Variants in CAPN12 observed in about 807,000 individuals in gnomAD.
The protein encoded by CAPN12 is calpain 12.
CAPN12 carries 107 observed loss-of-function variants against 95.0 expected under a neutral mutation model. The observed-to-expected ratio is 1.13, with a 90% CI of 0.96 to 1.32. The LOEUF is 1.32. Ranked by LOEUF, CAPN12 falls within the 40% of genes most tolerant of loss-of-function variation. The probability of loss-of-function intolerance (pLI) is 0.00; values close to 1 mark genes in which losing one functional copy is unlikely to be tolerated. For synonymous variants in CAPN12, 505 were observed against 415.5 expected (o/e 1.22, Z -2.62); for missense variants, 1,136 against 997.8 (o/e 1.14, Z -1.87).
In CAPN12 at chr19:38,741,832, G is replaced by A. The variant is rs776565451; in HGVS notation, c.505C>T (p.Arg169Cys). The A allele has an allele frequency of 2.5e-5, 41 of 1,613,946 alleles. 1 individual carries two copies. Among genetic ancestry groups the A allele is most frequent in the South Asian group, 2.1e-4 (19 of 91,070 alleles). Residue 169 changes from arginine to cysteine, a missense_variant, in exon 4 of 21, where the codon CGC (arginine) becomes TGC (cysteine). Arg to Cys is a radical substitution (Grantham distance 180). Coordinates refer to ENST00000328867, the MANE Select transcript of CAPN12 (RefSeq NM_144691.4). The part of the protein sequence containing the change: ...PVREGKLMFV[R>C]SEQRNEFWAP... ...CAGAACTCATTCCGCTGTTCCGAGC[G>A]CACGAACATCAGCTTCCCCTCACGC...
In CAPN12 at chr19:38,736,199, G is replaced by A; in HGVS notation, c.1494C>T (p.Gly498=). The change falls in exon 12 of 21, where the codon GGC becomes GGT. Residue 498 remains glycine (G), a synonymous_variant. Transcript: ENST00000328867. ...DVTRRCCLRP[G]HYLVVPSTAH... is the part of the protein sequence containing the mutation. ...CGGTGCTCGGCACCACCAGGTAGTGGCCTGGACGCAGGCAGCAGCGGCGGG... is the reference window on the plus strand; with the variant it reads ...CGGTGCTCGGCACCACCAGGTAGTGACCTGGACGCAGGCAGCAGCGGCGGG... The A allele has an allele frequency of 2.0e-6, 3 of 1,510,944 alleles. No homozygotes were observed. The highest frequency in any genetic ancestry group is 2.6e-6 in the Non-Finnish European group (3 of 1,134,222). 93.6% of individuals were successfully genotyped at this position (1,510,944 alleles called of 1,614,324 possible).
intron 4 of CAPN12, among the ~76,000 whole-genome samples, chr19:38,740,724 C>T (rs12985871): frequency 0.057 from 8,659 of 151,190 alleles, 263 homozygotes; most frequent in South Asian, 0.098. Context: ...CGCTTGAACT[C>T]GGGAGGCGAA....
At chr19:38,737,439 A>G in intron 9 of CAPN12, 36 bp downstream of exon 9, 1 of 1,610,932 alleles carries the variant, frequency 6.2e-7, no homozygotes, top group Non-Finnish European at 8.5e-7. Flanking sequence ...AGCGCCCCCC[A>G]CCCCAGGAAG....
In CAPN12 at chr19:38,734,826, A is replaced by T; in HGVS notation, c.1731T>A (p.Ile577=). Residue 577 remains isoleucine, a synonymous_variant, in exon 15 of 21, where the codon ATT becomes ATA. Transcript: ENST00000328867. ...NASQLQALLS[I]ALEPARAHTS... is the part of the protein sequence containing the mutation. ...CAGCCAACTCACCAGGCTCCAGGGC[A>T]ATGCTTAGTAAGGCCTGGAGCTGAG... is the stretch of plus-strand genomic sequence containing the variant. 1 of 1,612,606 alleles carries T rather than the reference A, an allele frequency of 6.2e-7. No individual in the cohort carries two copies. Among genetic ancestry groups the T allele is most frequent in the Non-Finnish European group, 8.5e-7 (1 of 1,179,794 alleles).
Position 38,741,779 on chromosome 19 carries a change from G to A in CAPN12, c.558C>T (p.Ala186=). 1 of 1,613,930 alleles carries A rather than the reference G, an allele frequency of 6.2e-7. No individual in the cohort carries two copies. The highest frequency in any genetic ancestry group is 1.1e-5 in the South Asian group (1 of 91,076). Residue 186 remains alanine (A), a splice_region_variant and synonymous_variant, in exon 4 of 21, where the codon GCC becomes GCT. Coordinates refer to ENST00000328867, the MANE Select transcript of CAPN12 (RefSeq NM_144691.4). Reference sequence around the variant, plus strand: ...CTGGTTGGAACTGGGGTCCTCACTTGGCGTAGGCCTTCTCCAGGAGTGGGG... The same window carrying A: ...CTGGTTGGAACTGGGGTCCTCACTTAGCGTAGGCCTTCTCCAGGAGTGGGG... ...FWAPLLEKAY[A]KLHGSYEVMR... is the part of the protein sequence containing the mutation.
At chr19:38,736,432 C>A in intron 11 of CAPN12, 114 bp from the exon 12 acceptor site, 1 of 1,532,132 alleles carries the variant, frequency 6.5e-7, no homozygotes, top group East Asian at 2.4e-5. Flanking sequence ...TCCCCTGCCC[C>A]CGGACCCGGC....
At position 38,735,391 on chromosome 19, in the gene CAPN12, C is replaced by G; in HGVS notation, c.1665G>C (p.Leu555=). The G allele has an allele frequency of 4.4e-6, 7 of 1,606,326 alleles. No individual in the cohort carries two copies. The highest frequency in any genetic ancestry group is 6.0e-6 in the Non-Finnish European group (7 of 1,175,920). The change falls in exon 14 of 21, where the codon CTG becomes CTC. Residue 555 remains leucine, a synonymous_variant. Transcript: ENST00000328867. ...YLPLELGLEQ[L]FQELAGEEEE... is the part of the protein sequence containing the mutation. Reference sequence around the variant, plus strand: ...TCACCTCTCCAGCCAGCTCCTGAAACAGCTGCTCCAACCCCAGCTCCAGGG... The same window carrying G: ...TCACCTCTCCAGCCAGCTCCTGAAAGAGCTGCTCCAACCCCAGCTCCAGGG...
At chr19:38,735,086 G>C in intron 14 of CAPN12, 1 of 605,194 alleles carries the variant, frequency 1.7e-6, no homozygotes. Context: ...TGGGGCAGGG[G>C]GGTGGTCAGG....
chr19:38,734,270 C>A (rs764687664), intron 16 of CAPN12, 49 bp downstream of exon 16: 1 of 1,603,188 alleles, frequency 6.2e-7, no homozygotes, highest in South Asian at 1.1e-5. Flanking sequence ...GAGACCCCAA[C>A]GTCCCCTTCC....
Position 38,730,850 on chromosome 19 carries a change from T to C in CAPN12, c.*2A>G. On this transcript the variant is annotated 3_prime_UTR_variant, in exon 21 of 21. Coordinates refer to ENST00000328867, the MANE Select transcript of CAPN12 (RefSeq NM_144691.4). ...AGCAGCAGGTGCGCCCATCCGGAGATCCTAGGAGAAGGTGGCCACCTCCAT... is the reference window on the plus strand; with the variant it reads ...AGCAGCAGGTGCGCCCATCCGGAGACCCTAGGAGAAGGTGGCCACCTCCAT... 6.4e-7 allele frequency: 1 copy of C among 1,550,982 alleles called. No homozygotes were observed. The highest frequency in any genetic ancestry group is 8.7e-7 in the Non-Finnish European group (1 of 1,147,290).
At chr19:38,742,895 G>A in intron 2 of CAPN12, 138 bp downstream of exon 2, 3 of 607,592 alleles carry the variant, frequency 4.9e-6, no homozygotes, top group South Asian at 4.7e-5. Context: ...GGAGGGAGGA[G>A]GGAGAGAGAG....
At chr19:38,736,608 G>C (rs1486447413) in intron 10 of CAPN12, 45 bp from the exon 11 acceptor site, 6 of 1,583,044 alleles carry the variant, frequency 3.8e-6, no homozygotes, top group Non-Finnish European at 5.2e-6. Context: ...GGGAGAGGTG[G>C]CCGCCGCTCA....
In CAPN12 at chr19:38,735,533, T is replaced by C. The variant is rs750613729; in HGVS notation, c.1595A>G (p.Asp532Gly). Reference sequence around the variant, plus strand: ...AGACTGCAGGTCTGCGCTGATCACGTCGTCGATCTCCCTGCAAATTACAGA... The same window carrying C: ...AGACTGCAGGTCTGCGCTGATCACGCCGTCGATCTCCCTGCAAATTACAGA... ...ERRHTAVEID[D>G]VISADLQSLQ... Residue 532 changes from aspartate to glycine, a missense_variant, in exon 13 of 21, where the codon GAC (aspartate) becomes GGC (glycine). Asp to Gly is a moderately conservative substitution (Grantham distance 94). Coordinates refer to ENST00000328867, the MANE Select transcript of CAPN12 (RefSeq NM_144691.4). 1 of 1,610,080 alleles carries C rather than the reference T, an allele frequency of 6.2e-7. No individual in the cohort carries two copies. The highest frequency in any genetic ancestry group is 8.5e-7 in the Non-Finnish European group (1 of 1,179,228).
intron 18 of CAPN12, chr19:38,733,351 G>T (rs1310191209): frequency 2.1e-5 from 5 of 243,566 alleles, no homozygotes; most frequent in Non-Finnish European, 4.0e-5. Flanking sequence ...TCCAACCCCG[G>T]TGCACCAGAA....
chr19:38,736,398 C>A, intron 11 of CAPN12, 80 bp from the exon 12 acceptor site: 1 of 1,495,402 alleles, frequency 6.7e-7, no homozygotes, highest in Non-Finnish European at 9.0e-7. Context: ...GCCCCGTCCA[C>A]CCTGCCTAAC....
intron 7 of CAPN12, 33 bp from the exon 8 acceptor site, chr19:38,738,380 T>G: frequency 6.2e-7 from 1 of 1,610,984 alleles, no homozygotes; most frequent in Non-Finnish European, 8.5e-7. Context: ...GGCGGGCAGG[T>G]GGGGTCCAGC....
rs768249874 is a variant in CAPN12, at chr19:38,743,082, C to T, written c.258G>A (p.Lys86=). 1.2e-6 allele frequency: 2 copies of T among 1,613,948 alleles called. No individual in the cohort carries two copies. The highest frequency in any genetic ancestry group is 1.3e-5 in the African/African-American group (1 of 74,884). The change falls in exon 2 of 21, where the codon AAG becomes AAA. Residue 86 remains lysine, a synonymous_variant. Coordinates refer to ENST00000328867, the MANE Select transcript of CAPN12 (RefSeq NM_144691.4). The part of the protein sequence containing the change: ...MRPHEFCAEP[K]FICEDMSRTD... The stretch of plus-strand genomic sequence containing the variant: ...TGCGGCTCATGTCTTCACAGATGAA[C>T]TTCGGCTCAGCACAGAACTCCTGTG...
At chr19:38,732,923 T>G (rs1969736014) in intron 18 of CAPN12, among the ~76,000 whole-genome samples, 1 of 152,198 alleles carries the variant, frequency 6.6e-6, no homozygotes, top group African/African-American at 2.4e-5. Flanking sequence ...TCTCTGGCTC[T>G]CTTTCTTGGT....
chr19:38,736,707 C>CCCGACCCAGGCCCTCG (rs1394105092), intron 10 of CAPN12, 144 bp from the exon 11 acceptor site: 1 of 1,069,592 alleles, frequency 9.3e-7, no homozygotes, highest in Admixed American at 2.8e-5. Context: ...CCCCGCAGTC[C>CCCGACCCAGGCCCTCG]CCGACCCAGG....
Sources: allele counts gnomAD v4.1 joint callset (sites outside exome capture counted in the v4.1 genomes callset), GRCh38; gene constraint gnomAD v4.1.1; transcripts MANE v1.5; gene names NCBI Gene and HGNC (gene_info 2026-07-23, HGNC 2026-07-21).